NDST4: variants seen among roughly 807,000 people sequenced by gnomAD.
The protein encoded by NDST4 is N-heparan sulfate sulfotransferase 4.
A neutral mutation model predicts 100.8 loss-of-function variants in NDST4; 63 were observed. That is an observed-to-expected ratio of 0.62 (90% CI 0.51 to 0.77). The LOEUF (loss-of-function observed/expected upper bound fraction) is 0.77, where lower values mean the gene tolerates loss of function less well. NDST4 is among the 30% of genes least tolerant of loss of function. The pLI is 0.00. For missense variants in NDST4, 943 were observed against 1,018.4 expected (o/e 0.93, Z 1.01); for synonymous variants, 377 against 361.8 (o/e 1.04, Z -0.48).
intron 8 of NDST4, among the ~76,000 whole-genome samples, chr4:114,848,642 A>G (rs1723605959): frequency 6.6e-6 from 1 of 152,208 alleles, no homozygotes; most frequent in African/African-American, 2.4e-5. Flanking sequence ...TCCAGGAGTC[A>G]GGTGAGTGGC....
chr4:114,853,951 C>T lies in NDST4; in HGVS notation c.1720-1130G>A, dbSNP rs555307112. Among the ~76,000 whole-genome samples, 3 of 152,086 alleles carry T rather than the reference C, an allele frequency of 2.0e-5. No individual in the cohort carries two copies. In the South Asian group the frequency reaches 6.2e-4, roughly 32 times the overall value. On this transcript the variant is annotated intron_variant, in intron 7 of 13. Coordinates refer to ENST00000264363, the MANE Select transcript of NDST4 (RefSeq NM_022569.3). Reference sequence around the variant, plus strand: ...GGTATCCATTACTTCAAGCATTTATCATTTCTTGTAGTACAAGTGTTCTAA... The same window carrying T: ...GGTATCCATTACTTCAAGCATTTATTATTTCTTGTAGTACAAGTGTTCTAA...
chr4:114,883,433 C>G (rs1458681535), intron 6 of NDST4, among the ~76,000 whole-genome samples: 1 of 151,830 alleles, frequency 6.6e-6, no homozygotes, highest in Non-Finnish European at 1.5e-5. Context: ...TCTGGGCAAT[C>G]ACTAAAAAAG....
At chr4:115,101,690 AAAATGTT>A (rs1560600757) in intron 1 of NDST4, among the ~76,000 whole-genome samples, 2 of 152,128 alleles carry the variant, frequency 1.3e-5, no homozygotes, top group Non-Finnish European at 2.9e-5. Context: ...GAAGTCAAGT[AAAATGTT>A]AAAGTGAGTT....
intron 1 of NDST4, among the ~76,000 whole-genome samples, chr4:115,088,528 C>T (rs1187013577): frequency 6.6e-6 from 1 of 151,912 alleles, no homozygotes; most frequent in Non-Finnish European, 1.5e-5. Context: ...CACTTCCTCA[C>T]CTTTCCTAGT....
chr4:115,007,028 T>C (rs1280436588), intron 2 of NDST4, among the ~76,000 whole-genome samples: 9 of 152,208 alleles, frequency 5.9e-5, no homozygotes, highest in Non-Finnish European at 1.3e-4. Flanking sequence ...TACTTTACAT[T>C]GGTTAAAGCA....
chr4:114,957,290 C>A (rs954535129), intron 4 of NDST4, among the ~76,000 whole-genome samples: 28 of 152,138 alleles, frequency 1.8e-4, no homozygotes, highest in African/African-American at 6.8e-4. Flanking sequence ...ACAACTATGG[C>A]AGAAGGCAAA....
At chr4:115,100,995 A>G (rs1729719254) in intron 1 of NDST4, among the ~76,000 whole-genome samples, 1 of 152,076 alleles carries the variant, frequency 6.6e-6, no homozygotes, top group East Asian at 1.9e-4. Context: ...GTCCCATCAC[A>G]TAATAAATAG....
chr4:114,924,325 C>A (rs1725345473), intron 6 of NDST4, among the ~76,000 whole-genome samples: 1 of 151,768 alleles, frequency 6.6e-6, no homozygotes, highest in African/African-American at 2.4e-5. Flanking sequence ...GTCCATGGAT[C>A]TTAGCTGACT....
intron 9 of NDST4, among the ~76,000 whole-genome samples, chr4:114,847,450 G>A (rs1723578216): frequency 7.5e-6 from 1 of 132,828 alleles, no homozygotes. Context: ...CATGCATGAT[G>A]ATGACACACA....
At chr4:114,996,407 ATTTC>A (rs1560850246) in intron 2 of NDST4, among the ~76,000 whole-genome samples, 1 of 152,116 alleles carries the variant, frequency 6.6e-6, no homozygotes, top group Non-Finnish European at 1.5e-5. Context: ...AGACCTGAGT[ATTTC>A]TTTATAGCAA....
At chr4:115,016,892 GAAGGTAGTGATAAATACCAGCT>G (rs1165332488) in intron 2 of NDST4, among the ~76,000 whole-genome samples, 1 of 152,008 alleles carries the variant, frequency 6.6e-6, no homozygotes, top group Admixed American at 6.6e-5. Context: ...GGCAGTAGAA[GAAGGTAGTGATAAATACCAGCT>G]ATGACCATGT....
chr4:114,899,115 G>C (rs1410720664), intron 6 of NDST4, among the ~76,000 whole-genome samples: 1 of 152,058 alleles, frequency 6.6e-6, no homozygotes, highest in Non-Finnish European at 1.5e-5. Flanking sequence ...CCTGATTTTA[G>C]TTGGAAAGCT....
chr4:114,994,127 T>C (rs1339332673), intron 2 of NDST4, among the ~76,000 whole-genome samples: 2 of 152,122 alleles, frequency 1.3e-5, no homozygotes, highest in South Asian at 2.1e-4. Flanking sequence ...GAGTACTTAG[T>C]AGCCACTTAG....
chr4:114,898,706 T>C (rs1724769404), intron 6 of NDST4, among the ~76,000 whole-genome samples: 1 of 151,946 alleles, frequency 6.6e-6, no homozygotes, highest in South Asian at 2.1e-4. Context: ...ATTCTTTGAC[T>C]TATTTTATCA....
At chr4:115,065,992 C>A (rs1349493720) in intron 2 of NDST4, among the ~76,000 whole-genome samples, 1 of 152,158 alleles carries the variant, frequency 6.6e-6, no homozygotes, top group Non-Finnish European at 1.5e-5. Context: ...GCAGAAGACT[C>A]AAATACCGCA....
At chr4:114,984,233 C>T (rs1254409773) in intron 2 of NDST4, among the ~76,000 whole-genome samples, 3 of 151,888 alleles carry the variant, frequency 2.0e-5, no homozygotes, top group African/African-American at 7.3e-5. Flanking sequence ...GGCTGGAGTA[C>T]AGTGGCATGA....
chr4:114,956,571 G>A (rs1361435736), intron 4 of NDST4, among the ~76,000 whole-genome samples: 2 of 152,140 alleles, frequency 1.3e-5, no homozygotes, highest in African/African-American at 2.4e-5. Context: ...TTTGTCAAAA[G>A]CAATCAAGTA....
chr4:114,896,226 A>T (rs1301589911), intron 6 of NDST4, among the ~76,000 whole-genome samples: 1 of 152,154 alleles, frequency 6.6e-6, no homozygotes, highest in Non-Finnish European at 1.5e-5. Context: ...CTTTTAGTAG[A>T]GGCTGAAAAA....
At chr4:114,941,468 A>G (rs1160285163) in intron 4 of NDST4, among the ~76,000 whole-genome samples, 2 of 152,014 alleles carry the variant, frequency 1.3e-5, no homozygotes, top group Non-Finnish European at 2.9e-5. Flanking sequence ...CAAAGTCTAC[A>G]TTTCTCAAAC....
Sources: gnomAD v4.1 joint callset for allele counts (sites outside exome capture counted in the v4.1 genomes callset) on GRCh38, gnomAD v4.1.1 for gene constraint, MANE v1.5 for transcripts, NCBI Gene and HGNC (gene_info 2026-07-23, HGNC 2026-07-21) for gene names.